The following KIF14 variants were observed in gnomAD, a reference collection of about 807,000 sequenced individuals.
KIF14 encodes the protein kinesin-like protein KIF14.
In KIF14, 98 loss-of-function variants were observed where a neutral mutation model predicts 176.2. The observed-to-expected ratio is 0.56, with a 90% confidence interval of 0.47 to 0.66. KIF14 has a LOEUF of 0.66. KIF14 is among the 30% of genes least tolerant of loss of function. The pLI is 0.00. For synonymous variants in KIF14, 566 were observed against 632.2 expected (o/e 0.90, Z 1.57); for missense variants, 1,751 against 1,920.4 (o/e 0.91, Z 1.65).
At position 200,586,226 on chromosome 1, in the gene KIF14, G is replaced by C; in HGVS notation, c.3116C>G (p.Ala1039Gly). The change falls in exon 19 of 30, where the codon GCT (alanine) becomes GGT (glycine). Residue 1039 changes from alanine (A) to glycine (G), a missense_variant and splice_region_variant. Coordinates refer to ENST00000367350, the MANE Select transcript of KIF14 (RefSeq NM_014875.3). ...LEMETLATKQALEDHSIRHAR... is the reference protein window; with the variant it reads ...LEMETLATKQGLEDHSIRHAR... Reference sequence around the variant, plus strand: ...ATGGCGGATGCTATGGTCTTCTAAAGCCTAATTGATATTCATTCATACAGA... The same window carrying C: ...ATGGCGGATGCTATGGTCTTCTAAACCCTAATTGATATTCATTCATACAGA... The C allele has an allele frequency of 1.9e-6, 3 of 1,583,584 alleles. No individual in the cohort carries two copies. The South Asian group carries it at 3.5e-5, about 18-fold the overall frequency.
At chr1:200,560,959 A>T in intron 25 of KIF14, 79 bp from the exon 26 acceptor site, 3 of 1,333,284 alleles carry the variant, frequency 2.3e-6, no homozygotes, top group Non-Finnish European at 3.2e-6. Flanking sequence ...GGCCGGGCAC[A>T]GCGGCTCACG....
At chr1:200,560,591 T>C in intron 26 of KIF14, 131 bp downstream of exon 26, 2 of 1,018,606 alleles carry the variant, frequency 2.0e-6, no homozygotes, top group Non-Finnish European at 2.9e-6. Context: ...TTAAATCTTA[T>C]TGCAAAACTA....
rs1659563100 is a variant in KIF14 at position 200,600,347 on chromosome 1, G to A, written c.2300+9C>T. 2 of 1,612,084 alleles carry A rather than the reference G, an allele frequency of 1.2e-6. No homozygotes were observed. Among genetic ancestry groups the A allele is most frequent in the South Asian group, 1.1e-5 (1 of 91,048 alleles). Reference sequence around the variant, plus strand: ...ACACTTAACATTTAGAGTACTGACTGTACTCTACCTTTGCATTTCTGCCAT... The same window carrying A: ...ACACTTAACATTTAGAGTACTGACTATACTCTACCTTTGCATTTCTGCCAT... On this transcript the variant is annotated intron_variant, in intron 12 of 29. Transcript: ENST00000367350.
rs114900057 is a variant in KIF14 at position 200,576,135 on chromosome 1, T to C, written c.3466-444A>G. On this transcript the variant is annotated intron_variant, in intron 21 of 29. Transcript: ENST00000367350. Reference sequence around the variant, plus strand: ...TGCTACATAGAACTTGATTCAGAGATAGTACAATTATACAGAAAAATAAGT... The same window carrying C: ...TGCTACATAGAACTTGATTCAGAGACAGTACAATTATACAGAAAAATAAGT... Among the ~76,000 whole-genome samples the C allele has an allele frequency of 2.7e-3, 416 of 152,296 alleles. 3 individuals are homozygous for C. The highest frequency in any genetic ancestry group is 9.6e-3 in the African/African-American group (399 of 41,568).
At chr1:200,579,609 C>CAAA (rs35703090) in intron 21 of KIF14, among the ~76,000 whole-genome samples, 1 of 149,516 alleles carries the variant, frequency 6.7e-6, no homozygotes, top group Non-Finnish European at 1.5e-5. Flanking sequence ...AATTCCATTT[C>CAAA]AAAAAAATAT....
intron 27 of KIF14, among the ~76,000 whole-genome samples, chr1:200,557,005 A>T (rs1656868260): frequency 6.6e-6 from 1 of 151,196 alleles, no homozygotes; most frequent in African/African-American, 2.4e-5. Context: ...TTTTTTATTT[A>T]TTTATTTATT....
Position 200,608,911 on chromosome 1 carries a change from T to C in KIF14, c.1473A>G (p.Glu491=), listed in dbSNP as rs1213483101. ...CATTATATACTTCAAAGAAGCTCAT[T>C]TCAATGTGATAGCTGACCTAGTAGG... ...KQTQEVSYHI[E]MSFFEVYNEK... is the part of the protein sequence containing the mutation. The change falls in exon 5 of 30, where the codon GAA becomes GAG. Residue 491 remains glutamate (E), a synonymous_variant. Transcript: ENST00000367350. The C allele has an allele frequency of 3.8e-6, 6 of 1,596,972 alleles. No homozygotes were observed. In the South Asian group the frequency reaches 6.6e-5, roughly 18 times the overall value.
At chr1:200,597,289 TA>T (rs1659400975) in intron 14 of KIF14, among the ~76,000 whole-genome samples, 1 of 151,062 alleles carries the variant, frequency 6.6e-6, no homozygotes, top group African/African-American at 2.4e-5. Flanking sequence ...CCAGAGAGAG[TA>T]AAAAGATGTT....
chr1:200,559,757 CTTT>C (rs377593729), intron 26 of KIF14, among the ~76,000 whole-genome samples: 1 of 144,316 alleles, frequency 6.9e-6, no homozygotes. Context: ...CAGTAACATT[CTTT>C]TTTTTTTTTT....
chr1:200,565,821 C>A, intron 23 of KIF14, 152 bp from the exon 24 acceptor site: 1 of 600,692 alleles, frequency 1.7e-6, no homozygotes, highest in East Asian at 2.8e-5. Flanking sequence ...ATTAGAAAAA[C>A]AAAACTATTA....
At chr1:200,616,325 C>T (rs1660405258) in intron 2 of KIF14, among the ~76,000 whole-genome samples, 1 of 152,204 alleles carries the variant, frequency 6.6e-6, no homozygotes, top group South Asian at 2.1e-4. Context: ...CCTGGCCCTG[C>T]TTTCAAGGCT....
intron 2 of KIF14, among the ~76,000 whole-genome samples, chr1:200,617,111 G>T (rs549094136): frequency 2.0e-5 from 3 of 152,282 alleles, no homozygotes; most frequent in Admixed American, 6.5e-5. Context: ...GGGATTACAG[G>T]TGTGCAACAC....
rs1660299408 is a variant in KIF14 at position 200,614,318 on chromosome 1, C to T, written c.1455G>A (p.Glu485=). The change falls in exon 4 of 30, where the codon GAG becomes GAA. Residue 485 remains glutamate, a splice_region_variant and synonymous_variant. Transcript: ENST00000367350. ...GCTTGCAGGTATTATAAGAACATAC[C>T]TCTTGGGTTTGTTTTCTGGCTACTT... ...FSQVARKQTQ[E]VSYHIEMSFF... The T allele has an allele frequency of 2.6e-6, 4 of 1,567,322 alleles. No individual in the cohort carries two copies. Among genetic ancestry groups the T allele is most frequent in the Non-Finnish European group, 3.5e-6 (4 of 1,139,334 alleles).
At position 200,598,391 on chromosome 1, in the gene KIF14, G is replaced by T; in HGVS notation, c.2395C>A (p.His799Asn). ...TTCAGATTAACAAGGTTTGGTAAAT[G>T]ATTGTCCATTTGAAACATAATTCCT... ...KAGIMFQMDN[H>N]LPNLVNLNED... Residue 799 changes from histidine (H) to asparagine (N), a missense_variant, in exon 14 of 30, where the codon CAT (histidine) becomes AAT (asparagine). Coordinates refer to ENST00000367350, the MANE Select transcript of KIF14 (RefSeq NM_014875.3). 1.2e-6 allele frequency: 2 copies of T among 1,608,494 alleles called. No homozygotes were observed. Among genetic ancestry groups the T allele is most frequent in the South Asian group, 2.2e-5 (2 of 88,976 alleles).
At chr1:200,571,486 C>T (rs1237007459) in intron 22 of KIF14, among the ~76,000 whole-genome samples, 2 of 152,150 alleles carry the variant, frequency 1.3e-5, no homozygotes, top group Non-Finnish European at 2.9e-5. Context: ...TTTCTAAACC[C>T]AAACTCCAAT....
At chr1:200,603,630 T>A (rs1659733134) in intron 9 of KIF14, among the ~76,000 whole-genome samples, 1 of 152,114 alleles carries the variant, frequency 6.6e-6, no homozygotes. Context: ...TTCTATAAAC[T>A]ACCAACTTTC....
intron 28 of KIF14, among the ~76,000 whole-genome samples, chr1:200,554,983 C>T (rs1326056662): frequency 1.3e-5 from 2 of 152,104 alleles, no homozygotes; most frequent in African/African-American, 2.4e-5. Flanking sequence ...TCCTTTTTAA[C>T]ACATTGATCA....
At chr1:200,615,948 T>C (rs948399785) in intron 2 of KIF14, among the ~76,000 whole-genome samples, 5 of 152,144 alleles carry the variant, frequency 3.3e-5, no homozygotes, top group African/African-American at 1.2e-4. Context: ...CAAATCTACA[T>C]CTTTATTATA....
intron 23 of KIF14, among the ~76,000 whole-genome samples, chr1:200,569,447 G>A (rs907400963): frequency 1.3e-5 from 2 of 152,158 alleles, no homozygotes; most frequent in Non-Finnish European, 2.9e-5. Flanking sequence ...AGGGGATGCA[G>A]TGAAAAGGGT....
Sources: gnomAD v4.1 joint callset for allele counts (sites outside exome capture counted in the v4.1 genomes callset) on GRCh38, gnomAD v4.1.1 for gene constraint, MANE v1.5 for transcripts, NCBI Gene and HGNC (gene_info 2026-07-23, HGNC 2026-07-21) for gene names.